TENM1: variants seen among roughly 807,000 people sequenced by gnomAD.
The protein encoded by TENM1 is teneurin transmembrane protein 1, also known as teneurin-1.
A neutral mutation model predicts 174.8 loss-of-function variants in TENM1; 35 were observed. The ratio of observed to expected loss-of-function variants is 0.20; its 90% CI spans 0.15 to 0.27. The LOEUF is 0.27. Ranked by LOEUF, TENM1 falls within the 10% of genes least tolerant of loss-of-function variation. The pLI is 1.00. For synonymous variants in TENM1, 781 were observed against 798.7 expected, an observed-to-expected ratio of 0.98 and a Z score of 0.37; for missense variants, 1,633 against 2,130.1, an observed-to-expected ratio of 0.77 and a Z score of 4.59.
At chrX:124,572,306 C>T (rs975194752) in intron 11 of TENM1, among the ~76,000 whole-genome samples, 2 of 111,719 alleles carry the variant, frequency 1.8e-5, no homozygotes, top group African/African-American at 6.5e-5. Context: ...TTCCATTTTA[C>T]TTTCACACAT....
At chrX:124,632,451 A>C (rs918066243) in intron 11 of TENM1, among the ~76,000 whole-genome samples, 3 of 111,466 alleles carry the variant, frequency 2.7e-5, no homozygotes, top group African/African-American at 9.8e-5. Context: ...TCTTTATAGC[A>C]GACTCAACTA....
At chrX:124,471,249 AAT>A (rs2061307399) in intron 22 of TENM1, among the ~76,000 whole-genome samples, 1 of 63,880 alleles carries the variant, frequency 1.6e-5, no homozygotes. Flanking sequence ...AATATATAAT[AAT>A]ATATATTATA....
chrX:124,755,203 C>T (rs200017380), intron 3 of TENM1, among the ~76,000 whole-genome samples: 14,805 of 104,009 alleles, frequency 0.14, 2,183 homozygotes, highest in African/African-American at 0.39. Flanking sequence ...TTAGGATAGT[C>T]AGCCCTTCTT....
At chrX:124,492,216 C>T (rs1255746742) in intron 20 of TENM1, among the ~76,000 whole-genome samples, 2 of 111,250 alleles carry the variant, frequency 1.8e-5, no homozygotes, top group East Asian at 5.7e-4. Context: ...TCTGTGTTTC[C>T]AAGGAAACAG....
intron 5 of TENM1, among the ~76,000 whole-genome samples, chrX:124,689,967 T>C (rs1162298290): frequency 9.0e-6 from 1 of 111,459 alleles, no homozygotes. Context: ...ACTGAAATTG[T>C]AGGAAGCAAA....
At chrX:125,025,110 C>T in the TENM1 span, among the ~76,000 whole-genome samples, 1 of 111,717 alleles carries the variant, frequency 9.0e-6, no homozygotes, top group African/African-American at 3.3e-5. Context: ...GAATAATCAC[C>T]TCTGAAGGGT....
chrX:125,185,266 G>A, the TENM1 span, among the ~76,000 whole-genome samples: 1 of 112,076 alleles, frequency 8.9e-6, no homozygotes, highest in South Asian at 3.7e-4. Context: ...ATATTTATTT[G>A]TAGTCAGTAA....
intron 22 of TENM1, among the ~76,000 whole-genome samples, chrX:124,454,426 G>A (rs2061081281): frequency 9.1e-6 from 1 of 109,975 alleles, no homozygotes; most frequent in Non-Finnish European, 1.9e-5. Flanking sequence ...TTGTTTTTGA[G>A]GGAGTTTTGC....
intron 3 of TENM1, among the ~76,000 whole-genome samples, chrX:124,799,277 T>C (rs2055383004): frequency 9.0e-6 from 1 of 111,453 alleles, no homozygotes; most frequent in Non-Finnish European, 1.9e-5. Context: ...TCTAAATTAC[T>C]TTGGGCAGTA....
At chrX:124,817,316 C>T (rs1345342921) in intron 3 of TENM1, among the ~76,000 whole-genome samples, 39 of 111,815 alleles carry the variant, frequency 3.5e-4, no homozygotes, top group Non-Finnish European at 1.9e-4. Flanking sequence ...GGTTCCAAGT[C>T]TTTGCTATTG....
At chrX:124,431,800 G>A (rs779100331) in intron 23 of TENM1, among the ~76,000 whole-genome samples, 4 of 111,879 alleles carry the variant, frequency 3.6e-5, no homozygotes, top group African/African-American at 1.3e-4. Flanking sequence ...CATTATCTTA[G>A]ATACACACTC....
chrX:124,400,289 A>G, intron 27 of TENM1, among the ~76,000 whole-genome samples: 3 of 111,717 alleles, frequency 2.7e-5, no homozygotes. Flanking sequence ...CTGAGGACCA[A>G]GGCAATTTCT....
chrX:124,705,964 G>A (rs973760781), intron 4 of TENM1, among the ~76,000 whole-genome samples: 2 of 111,911 alleles, frequency 1.8e-5, no homozygotes, highest in South Asian at 7.4e-4. Flanking sequence ...GGAGTGCAAT[G>A]GCATGATCTC....
rs143530872 is a variant in TENM1 at position 124,805,087 on chromosome X, T to C, written c.536-67890A>G. Among the ~76,000 whole-genome samples the C allele has an allele frequency of 8.3e-3, 925 of 111,790 alleles. 8 individuals carry two copies. The highest frequency in any genetic ancestry group is 0.029 in the African/African-American group (879 of 30,721). On this transcript the variant is annotated intron_variant, in intron 3 of 31. Coordinates refer to ENST00000422452, the Ensembl canonical transcript of TENM1. The stretch of plus-strand genomic sequence containing the variant: ...GTCTTCCATGTGTTGGTAAATATGC[T>C]AGCTGCTTTATCTCATTTATCTTAC...
At chrX:124,947,570 A>G (rs1009152821) in intron 1 of TENM1, among the ~76,000 whole-genome samples, 5 of 112,372 alleles carry the variant, frequency 4.4e-5, no homozygotes, top group African/African-American at 1.6e-4. Flanking sequence ...TGTCTGACAC[A>G]TAATTAAAGA....
intron 28 of TENM1, 93 bp from the exon 32 acceptor site, chrX:124,386,157 A>G (rs1370035631): frequency 1.2e-6 from 1 of 865,181 alleles, no homozygotes; most frequent in Non-Finnish European, 1.6e-6. Flanking sequence ...ACACAAATCA[A>G]TCAAGCACTT....
chrX:125,174,941 T>G, the TENM1 span, among the ~76,000 whole-genome samples: 1 of 111,601 alleles, frequency 9.0e-6, no homozygotes, highest in Non-Finnish European at 1.9e-5. Flanking sequence ...TGTGCAACCT[T>G]CATAAAGTTA....
At chrX:124,640,198 AC>A (rs1282682423) in intron 11 of TENM1, among the ~76,000 whole-genome samples, 3 of 111,518 alleles carry the variant, frequency 2.7e-5, no homozygotes, top group Admixed American at 9.5e-5. Context: ...TTATTAGATT[AC>A]CTTTAGCATT....
chrX:124,773,829 C>A (rs191461449), intron 3 of TENM1, among the ~76,000 whole-genome samples: 1,375 of 111,533 alleles, frequency 0.012, 11 homozygotes, highest in Middle Eastern at 0.056. Flanking sequence ...TGGGTGAAAA[C>A]AATAGAAAAT....
Sources: gnomAD v4.1 joint callset for allele counts (sites outside exome capture counted in the v4.1 genomes callset) on GRCh38, gnomAD v4.1.1 for gene constraint, MANE v1.5 for transcripts, NCBI Gene and HGNC (gene_info 2026-07-23, HGNC 2026-07-21) for gene names.